METTL25: variants seen among roughly 807,000 people sequenced by gnomAD.
METTL25 encodes the protein probable methyltransferase-like protein 25.
In METTL25, 64 loss-of-function variants were observed where a neutral mutation model predicts 71.6. The observed-to-expected ratio is 0.89, with a 90% CI of 0.73 to 1.10. METTL25 has a LOEUF of 1.10. Among genes scored for constraint, METTL25 ranks in the 50% least tolerant of loss-of-function variants. The probability of loss-of-function intolerance (pLI) is 0.00; values close to 1 mark genes in which losing one functional copy is unlikely to be tolerated. For synonymous variants in METTL25, 287 were observed against 250.3 expected (o/e 1.15, Z -1.38); for missense variants, 807 against 707.0 (o/e 1.14, Z -1.60).
At chr12:82,411,510 C>T (rs1423593370) in intron 5 of METTL25, among the ~76,000 whole-genome samples, 1 of 151,076 alleles carries the variant, frequency 6.6e-6, no homozygotes, top group Non-Finnish European at 1.5e-5. Flanking sequence ...ATATAGCAAG[C>T]AGTCAACAAA....
chr12:82,478,700 G>A (rs1027592242), intron 11 of METTL25, among the ~76,000 whole-genome samples: 10 of 151,722 alleles, frequency 6.6e-5, no homozygotes, highest in African/African-American at 1.7e-4. Flanking sequence ...TTTCACAACC[G>A]TAGCAAAGAA....
chr12:82,460,871 C>T (rs113752858), intron 9 of METTL25, among the ~76,000 whole-genome samples: 14 of 152,210 alleles, frequency 9.2e-5, no homozygotes, highest in African/African-American at 2.2e-4. Context: ...AGGCCGGGCG[C>T]GGTAGCTCAC....
At chr12:82,440,033 T>C (rs1890205009) in intron 8 of METTL25, among the ~76,000 whole-genome samples, 1 of 151,948 alleles carries the variant, frequency 6.6e-6, no homozygotes, top group African/African-American at 2.4e-5. Context: ...CCATTGACCT[T>C]TTAGTCACAT....
intron 5 of METTL25, among the ~76,000 whole-genome samples, chr12:82,425,668 C>T (rs1345510881): frequency 6.6e-6 from 1 of 151,788 alleles, no homozygotes; most frequent in Non-Finnish European, 1.5e-5. Flanking sequence ...AAAGGATGGG[C>T]AAAAAGACCA....
intron 11 of METTL25, among the ~76,000 whole-genome samples, chr12:82,478,673 A>G (rs1397452702): frequency 6.6e-6 from 1 of 151,910 alleles, no homozygotes; most frequent in African/African-American, 2.4e-5. Context: ...CTCATTTGTG[A>G]TTGGCCACTT....
intron 10 of METTL25, 63 bp from the exon 11 acceptor site, chr12:82,477,218 G>A (rs1357398638): frequency 3.1e-5 from 23 of 730,732 alleles, no homozygotes; most frequent in Non-Finnish European, 4.9e-5. Context: ...TAAGTTTAAG[G>A]AAATAAGCTA....
chr12:82,358,920 C>T (rs766066878), intron 1 of METTL25, 96 bp downstream of exon 1: 98 of 1,397,836 alleles, frequency 7.0e-5, no homozygotes, highest in Non-Finnish European at 9.3e-5. Flanking sequence ...GAACCAGGTG[C>T]GTGGCGGCGG....
Position 82,438,811 on chromosome 12 carries a change from A to G in METTL25, c.1478+20A>G, listed in dbSNP as rs1183066053. ...CAAATGGTATGAGGATTTTATTTTA[A>G]TAAGAATAACTATGTTATATTGTAA... On this transcript the variant is annotated intron_variant, in intron 8 of 11. Transcript: ENST00000248306. 1 of 1,498,420 alleles carries G rather than the reference A, an allele frequency of 6.7e-7. No individual in the cohort carries two copies. The allele number at this position is 1,498,420 out of a possible 1,614,324, so 92.8% of individuals were successfully genotyped here.
In METTL25 at chr12:82,386,934, G is replaced by A. The variant is rs745443693; in HGVS notation, c.391G>A (p.Val131Ile). The A allele has an allele frequency of 1.2e-6, 2 of 1,613,096 alleles. No individual in the cohort carries two copies. Among genetic ancestry groups the A allele is most frequent in the South Asian group, 2.2e-5 (2 of 91,012 alleles). Residue 131 changes from valine to isoleucine, a missense_variant, in exon 2 of 12, where the codon GTA becomes ATA. Val to Ile is a conservative substitution (Grantham distance 29). Coordinates refer to ENST00000248306, the MANE Select transcript of METTL25 (RefSeq NM_032230.3). ...ATGTACTCCTTTTGAACAGTTGCTT[G>A]TAGCCCTTCGAGGAAATCAAAACCA... ...GICTPFEQLL[V>I]ALRGNQNQRI...
chr12:82,358,860 G>T (rs1881356163), intron 1 of METTL25, 36 bp downstream of exon 1: 5 of 1,562,834 alleles, frequency 3.2e-6, no homozygotes, highest in South Asian at 1.2e-5. Context: ...GAAGGGAGGC[G>T]GAGGAGAAGG....
intron 11 of METTL25, 47 bp downstream of exon 11, chr12:82,477,399 C>A: frequency 9.7e-7 from 1 of 1,034,492 alleles, no homozygotes; most frequent in Non-Finnish European, 1.4e-6. Flanking sequence ...TTATTAAATA[C>A]AGTAATATAG....
chr12:82,360,137 T>C (rs949407433), intron 1 of METTL25, among the ~76,000 whole-genome samples: 1 of 152,214 alleles, frequency 6.6e-6, no homozygotes, highest in Non-Finnish European at 1.5e-5. Context: ...TTACTCATGT[T>C]AGTTTTAAAT....
intron 1 of METTL25, among the ~76,000 whole-genome samples, chr12:82,382,947 C>T (rs1884586187): frequency 6.6e-6 from 1 of 152,042 alleles, no homozygotes; most frequent in African/African-American, 2.4e-5. Context: ...TGAGCTCAGG[C>T]AATCCTCATG....
chr12:82,375,630 G>A (rs1883766129), intron 1 of METTL25, among the ~76,000 whole-genome samples: 1 of 152,174 alleles, frequency 6.6e-6, no homozygotes, highest in African/African-American at 2.4e-5. Flanking sequence ...TGTTTCAAGT[G>A]TAAACTGTCA....
At chr12:82,460,714 G>A (rs1699595296) in intron 9 of METTL25, among the ~76,000 whole-genome samples, 1 of 152,130 alleles carries the variant, frequency 6.6e-6, no homozygotes, top group South Asian at 2.1e-4. Context: ...AAGCCAAGAG[G>A]ACTAATTGCA....
intron 5 of METTL25, among the ~76,000 whole-genome samples, chr12:82,424,567 G>A (rs930659202): frequency 1.3e-5 from 2 of 151,192 alleles, no homozygotes; most frequent in African/African-American, 4.9e-5. Flanking sequence ...TATGTATAAA[G>A]GATATTGATA....
At chr12:82,460,524 T>C (rs1592760611) in intron 9 of METTL25, among the ~76,000 whole-genome samples, 3 of 152,184 alleles carry the variant, frequency 2.0e-5, no homozygotes, top group African/African-American at 7.2e-5. Flanking sequence ...TGTACTCTTG[T>C]TATAAGGTGA....
intron 1 of METTL25, among the ~76,000 whole-genome samples, chr12:82,374,611 C>T (rs1883626384): frequency 6.6e-6 from 1 of 152,154 alleles, no homozygotes; most frequent in African/African-American, 2.4e-5. Flanking sequence ...TCCAAGTCCC[C>T]ACCCGACCCA....
chr12:82,413,166 C>G (rs1331504415), intron 5 of METTL25, among the ~76,000 whole-genome samples: 2 of 151,784 alleles, frequency 1.3e-5, no homozygotes, highest in African/African-American at 4.8e-5. Flanking sequence ...TTTAGCAACT[C>G]CTAATTTAAA....
Sources: allele counts gnomAD v4.1 joint callset (sites outside exome capture counted in the v4.1 genomes callset), GRCh38; gene constraint gnomAD v4.1.1; transcripts MANE v1.5; gene names NCBI Gene and HGNC (gene_info 2026-07-23, HGNC 2026-07-21).